RALGPS1: variants seen among roughly 807,000 people sequenced by gnomAD.
The protein encoded by RALGPS1 is ras-specific guanine nucleotide-releasing factor RalGPS1.
A neutral mutation model predicts 78.8 loss-of-function variants in RALGPS1; 19 were observed. The ratio of observed to expected loss-of-function variants is 0.24; its 90% CI spans 0.17 to 0.35. The LOEUF (loss-of-function observed/expected upper bound fraction) is 0.35, where lower values mean the gene tolerates loss of function less well. RALGPS1 is among the 10% of genes least tolerant of loss of function. The probability of loss-of-function intolerance (pLI) is 1.00; values close to 1 mark genes in which losing one functional copy is unlikely to be tolerated. For missense variants in RALGPS1, 454 were observed against 688.3 expected, an observed-to-expected ratio of 0.66 and a Z score of 3.81; for synonymous variants, 228 against 256.3, an observed-to-expected ratio of 0.89 and a Z score of 1.06.
chr9:126,949,676 TA>T (rs1279999376), intron 1 of RALGPS1, among the ~76,000 whole-genome samples: 45 of 152,352 alleles, frequency 3.0e-4, no homozygotes, highest in African/African-American at 1.0e-3. Flanking sequence ...TTTTTTCGTG[TA>T]AATTTGTCTG....
At chr9:126,960,906 T>G (rs777654613) in intron 1 of RALGPS1, among the ~76,000 whole-genome samples, 1 of 152,130 alleles carries the variant, frequency 6.6e-6, no homozygotes, top group Non-Finnish European at 1.5e-5. Flanking sequence ...TCCCTCCACT[T>G]CAGTGCCTGG....
At chr9:126,946,151 C>T (rs1174271990) in intron 1 of RALGPS1, among the ~76,000 whole-genome samples, 1 of 152,240 alleles carries the variant, frequency 6.6e-6, no homozygotes, top group East Asian at 1.9e-4. Context: ...GAGGAATTTT[C>T]TCTGTCCGTG....
At chr9:127,129,944 A>G (rs569816416) in intron 8 of RALGPS1, among the ~76,000 whole-genome samples, 3 of 152,322 alleles carry the variant, frequency 2.0e-5, no homozygotes, top group Non-Finnish European at 4.4e-5. Context: ...CCCTGTGCCC[A>G]GATGCTGGCT....
In RALGPS1 at chr9:127,195,108, G is replaced by T. The variant is rs183996093; in HGVS notation, c.928G>T (p.Gly310Cys). The change falls in exon 12 of 19, where the codon GGT (glycine) becomes TGT (cysteine). Residue 310 changes from glycine to cysteine, a missense_variant. By Grantham distance (159) the Gly-to-Cys change is radical. Transcript: ENST00000259351. ...EDLAGPSAGS[G>C]SARFSRRPTC... ...GTTTGCAGGTCCCTCTGCTGGCTCC[G>T]GTTCTGCGAGGTTCAGCCGGAGGCC... 1 of 1,613,368 alleles carries T rather than the reference G, an allele frequency of 6.2e-7. No homozygotes were observed.
intron 3 of RALGPS1, among the ~76,000 whole-genome samples, chr9:126,974,660 T>C (rs1234186161): frequency 1.3e-5 from 2 of 152,186 alleles, no homozygotes; most frequent in Non-Finnish European, 2.9e-5. Flanking sequence ...GGTGACTAGC[T>C]TGACTGGACA....
At chr9:127,047,690 C>A (rs1220350791) in intron 5 of RALGPS1, among the ~76,000 whole-genome samples, 1 of 147,346 alleles carries the variant, frequency 6.8e-6, no homozygotes, top group African/African-American at 2.5e-5. Flanking sequence ...CAGAGCGAGA[C>A]GCCCTCTCAA....
intron 4 of RALGPS1, among the ~76,000 whole-genome samples, chr9:126,998,165 C>T (rs1007599680): frequency 2.0e-5 from 3 of 152,146 alleles, no homozygotes; most frequent in African/African-American, 7.2e-5. Flanking sequence ...CCAGAATTGA[C>T]AAATGGGATC....
chr9:126,917,156 G>C (rs924672339), intron 1 of RALGPS1, among the ~76,000 whole-genome samples: 6 of 152,128 alleles, frequency 3.9e-5, no homozygotes, highest in African/African-American at 1.4e-4. Flanking sequence ...AGCATTGAGG[G>C]GATTAGGCCC....
At chr9:127,217,787 C>G (rs917877494) in intron 18 of RALGPS1, 1 of 152,176 alleles carries the variant, frequency 6.6e-6, no homozygotes, top group African/African-American at 2.4e-5. Flanking sequence ...TTTAAACTTT[C>G]TTATAAATAG....
chr9:127,061,045 T>C (rs1228176547), intron 7 of RALGPS1, among the ~76,000 whole-genome samples: 1 of 152,180 alleles, frequency 6.6e-6, no homozygotes, highest in East Asian at 1.9e-4. Context: ...TCTGTCCTCG[T>C]GAGTGTTTCT....
intron 11 of RALGPS1, among the ~76,000 whole-genome samples, chr9:127,189,903 G>A (rs565519054): frequency 6.6e-6 from 1 of 152,348 alleles, no homozygotes; most frequent in African/African-American, 2.4e-5. Flanking sequence ...ATCTGGAGGG[G>A]CAGGTGGAGA....
At position 127,196,595 on chromosome 9, in the gene RALGPS1, ACCT is replaced by A. The variant is rs774761416; in HGVS notation, c.1167_1169del (p.Ser390del). The A allele has an allele frequency of 5.0e-5, 81 of 1,611,812 alleles. No homozygotes were observed. The highest frequency in any genetic ancestry group is 6.7e-5 in the Non-Finnish European group (79 of 1,178,822). ...CAGCCCCCGAAGGGGCCTGGCTCTG[ACCT>A]CCTCCTCTGCTGTCACCAATGGACT... On this transcript the variant is annotated inframe_deletion, in exon 13 of 19. Transcript: ENST00000259351.
At chr9:126,994,086 AG>A (rs2042515075) in intron 4 of RALGPS1, among the ~76,000 whole-genome samples, 1 of 152,196 alleles carries the variant, frequency 6.6e-6, no homozygotes, top group South Asian at 2.1e-4. Context: ...GAAAAAAAAC[AG>A]AGCAGAAAAA....
At chr9:127,188,289 C>A (rs1050311365) in intron 11 of RALGPS1, among the ~76,000 whole-genome samples, 1 of 152,018 alleles carries the variant, frequency 6.6e-6, no homozygotes, top group Non-Finnish European at 1.5e-5. Flanking sequence ...GTCTCAAACT[C>A]CTGACCTCGT....
At chr9:127,189,944 G>A (rs1459755187) in intron 11 of RALGPS1, among the ~76,000 whole-genome samples, 3 of 152,172 alleles carry the variant, frequency 2.0e-5, no homozygotes, top group African/African-American at 7.2e-5. Flanking sequence ...CAGAGTAGGT[G>A]GCCACTATTT....
chr9:126,962,762 T>A (rs1186013303), intron 2 of RALGPS1, among the ~76,000 whole-genome samples: 1 of 152,166 alleles, frequency 6.6e-6, no homozygotes, highest in Non-Finnish European at 1.5e-5. Flanking sequence ...TAAGGACTGG[T>A]GGTCTGCAGT....
chr9:127,010,445 C>T (rs1192548790), intron 4 of RALGPS1, among the ~76,000 whole-genome samples: 1 of 152,184 alleles, frequency 6.6e-6, no homozygotes, highest in Non-Finnish European at 1.5e-5. Context: ...TGCCTGGATT[C>T]CACCCCTGGC....
intron 8 of RALGPS1, among the ~76,000 whole-genome samples, chr9:127,114,309 T>C (rs1339005594): frequency 2.6e-5 from 4 of 152,312 alleles, no homozygotes; most frequent in African/African-American, 9.6e-5. Flanking sequence ...TATTTGCAGT[T>C]GAGGAAACTA....
chr9:127,039,955 G>A (rs12003482), intron 5 of RALGPS1, among the ~76,000 whole-genome samples: 2,081 of 152,324 alleles, frequency 0.014, 59 homozygotes, highest in African/African-American at 0.048. Flanking sequence ...CCCAGTGCAT[G>A]TAGGTAGTAG....
Sources: gnomAD v4.1 joint callset for allele counts (sites outside exome capture counted in the v4.1 genomes callset) on GRCh38, gnomAD v4.1.1 for gene constraint, MANE v1.5 for transcripts, NCBI Gene and HGNC (gene_info 2026-07-23, HGNC 2026-07-21) for gene names.